Variants in MPPED2 observed in about 807,000 individuals in gnomAD.
MPPED2 encodes the protein metallophosphoesterase MPPED2.
Under a neutral mutation model 33.0 loss-of-function variants are expected in MPPED2, and 5 were observed. The ratio of observed to expected loss-of-function variants is 0.15; its 90% CI spans 0.08 to 0.32. The LOEUF (loss-of-function observed/expected upper bound fraction) is 0.32, where lower values mean the gene tolerates loss of function less well. MPPED2 is among the 10% of genes least tolerant of loss of function. MPPED2 has a pLI of 1.00. For synonymous variants in MPPED2, 136 were observed against 141.9 expected (o/e 0.96, Z 0.29); for missense variants, 275 against 372.1 (o/e 0.74, Z 2.15).
At chr11:30,538,949 A>G (rs1282810187) in intron 2 of MPPED2, among the ~76,000 whole-genome samples, 2 of 152,222 alleles carry the variant, frequency 1.3e-5, no homozygotes, top group Non-Finnish European at 2.9e-5. Flanking sequence ...GCAGTGCAAC[A>G]TGCCAAAGCC....
chr11:30,426,879 C>G (rs61884687), intron 4 of MPPED2, among the ~76,000 whole-genome samples: 1 of 152,120 alleles, frequency 6.6e-6, no homozygotes. Flanking sequence ...TCCGTTTCCT[C>G]CTATACATTC....
At chr11:30,498,143 A>G (rs1952367390) in intron 3 of MPPED2, among the ~76,000 whole-genome samples, 1 of 151,984 alleles carries the variant, frequency 6.6e-6, no homozygotes, top group African/African-American at 2.4e-5. Context: ...TTCAAATAGC[A>G]ACACTTTAAA....
At chr11:30,406,996 G>A (rs1446390408), downstream of MPPED2, among the ~76,000 whole-genome samples, 1 of 152,228 alleles carries the variant, frequency 6.6e-6, no homozygotes, top group African/African-American at 2.4e-5. Flanking sequence ...CTTGCTGGAT[G>A]AGAGTGGGGA....
Position 30,519,363 on chromosome 11 carries a change from T to C in MPPED2, c.310+16631A>G, listed in dbSNP as rs998444961. On this transcript the variant is annotated intron_variant, in intron 3 of 6. Coordinates refer to ENST00000358117, the MANE Select transcript of MPPED2 (RefSeq NM_001584.3). ...ATGAATATGTATGTGCATATATATA[T>C]ACACACACTCATATATATACACATA... Among the ~76,000 whole-genome samples the C allele has an allele frequency of 1.5e-4, 23 of 152,136 alleles. No homozygotes were observed. In the East Asian group the frequency reaches 2.1e-3, roughly 14 times the overall value.
At chr11:30,460,109 G>A (rs1950460136) in intron 4 of MPPED2, among the ~76,000 whole-genome samples, 1 of 152,182 alleles carries the variant, frequency 6.6e-6, no homozygotes, top group African/African-American at 2.4e-5. Flanking sequence ...AAGCAGCAAT[G>A]GACAGATGGG....
chr11:30,555,787 GA>G (rs1955938568), intron 2 of MPPED2, among the ~76,000 whole-genome samples: 1 of 152,046 alleles, frequency 6.6e-6, no homozygotes, highest in South Asian at 2.1e-4. Context: ...ATAGCAGTAT[GA>G]AAATGGACTA....
chr11:30,520,794 G>A (rs1013099674), intron 3 of MPPED2, among the ~76,000 whole-genome samples: 3 of 152,098 alleles, frequency 2.0e-5, no homozygotes, highest in Non-Finnish European at 4.4e-5. Context: ...AATTATGTTG[G>A]AAGAAATGAC....
At chr11:30,526,425 G>A (rs1334803007) in intron 3 of MPPED2, among the ~76,000 whole-genome samples, 1 of 152,082 alleles carries the variant, frequency 6.6e-6, no homozygotes, top group African/African-American at 2.4e-5. Context: ...TGGTTGCTAG[G>A]AAAACCAAAT....
At chr11:30,447,945 T>C (rs1338076248) in intron 4 of MPPED2, among the ~76,000 whole-genome samples, 2 of 152,128 alleles carry the variant, frequency 1.3e-5, no homozygotes, top group African/African-American at 4.8e-5. Flanking sequence ...CCTCGAAAGA[T>C]AAAATTCATA....
intron 6 of MPPED2, among the ~76,000 whole-genome samples, chr11:30,393,597 G>C (rs888722322): frequency 8.2e-6 from 1 of 122,348 alleles, no homozygotes; most frequent in Non-Finnish European, 1.9e-5. Context: ...AGGAGTTTTT[G>C]TTATGTTTAG....
In MPPED2 at chr11:30,411,543, G is replaced by T. The variant is rs1480048721; in HGVS notation, c.810C>A (p.Ala270=). The T allele has an allele frequency of 6.2e-7, 1 of 1,613,816 alleles. No homozygotes were observed. The highest frequency in any genetic ancestry group is 8.5e-7 in the Non-Finnish European group (1 of 1,179,874). Residue 270 remains alanine (A), a synonymous_variant, in exon 7 of 7, where the codon GCC becomes GCA. Transcript: ENST00000358117. ...MTDGYTTYIN[A]STCTVSFQPT... ...GTTGAAAGCTGACTGTACACGTCGA[G>T]GCATTGATGTACGTTGTGTAACCGT...
At chr11:30,567,125 C>T (rs1202066925) in intron 2 of MPPED2, among the ~76,000 whole-genome samples, 1 of 152,124 alleles carries the variant, frequency 6.6e-6, no homozygotes, top group Non-Finnish European at 1.5e-5. Flanking sequence ...TCAATGTCAG[C>T]AGTAAATCCA....
chr11:30,528,530 T>G (rs1323955462), intron 3 of MPPED2, among the ~76,000 whole-genome samples: 3 of 152,220 alleles, frequency 2.0e-5, no homozygotes, highest in Non-Finnish European at 2.9e-5. Context: ...GTGCTGGGAT[T>G]ATAGGCGTGA....
At chr11:30,480,725 A>G (rs755846840) in intron 4 of MPPED2, among the ~76,000 whole-genome samples, 4 of 152,214 alleles carry the variant, frequency 2.6e-5, no homozygotes, top group Non-Finnish European at 4.4e-5. Context: ...ACAACTTCCA[A>G]TAAAAACTGT....
chr11:30,519,144 T>C (rs994239433), intron 3 of MPPED2, among the ~76,000 whole-genome samples: 3 of 151,864 alleles, frequency 2.0e-5, no homozygotes, highest in Non-Finnish European at 4.4e-5. Flanking sequence ...TAGCCAGGCA[T>C]GGTGGTGTAA....
chr11:30,478,435 C>A (rs1484698368), intron 4 of MPPED2, among the ~76,000 whole-genome samples: 1 of 151,738 alleles, frequency 6.6e-6, no homozygotes, highest in Non-Finnish European at 1.5e-5. Context: ...AACGAGAAAG[C>A]ACATAGATAA....
chr11:30,470,549 C>G (rs1207539445), intron 4 of MPPED2, among the ~76,000 whole-genome samples: 5 of 152,096 alleles, frequency 3.3e-5, no homozygotes, highest in African/African-American at 2.4e-5. Context: ...TAACTCTGAA[C>G]ATACCAAGAA....
At chr11:30,497,417 C>T (rs1262207145) in intron 3 of MPPED2, among the ~76,000 whole-genome samples, 2 of 152,170 alleles carry the variant, frequency 1.3e-5, no homozygotes, top group South Asian at 2.1e-4. Flanking sequence ...CAGGCTAAAA[C>T]GTTTTCCCAG....
rs117270758 is a variant in MPPED2, at chr11:30,426,804, C to A, written c.537-9171G>T. On this transcript the variant is annotated intron_variant, in intron 4 of 6. Transcript: ENST00000358117. ...TCCAGCAGTTCCAAATGCAGACAGG[C>A]CCTGAGGCCAGGAGGTGACCTGGGG... is the stretch of plus-strand genomic sequence containing the variant. Among the ~76,000 whole-genome samples, 583 of 152,278 alleles carry A rather than the reference C, an allele frequency of 3.8e-3. 13 individuals carry two copies. In the East Asian group the frequency reaches 0.068, roughly 18 times the overall value.
Sources: gnomAD v4.1 joint callset for allele counts (sites outside exome capture counted in the v4.1 genomes callset) on GRCh38, gnomAD v4.1.1 for gene constraint, MANE v1.5 for transcripts, NCBI Gene and HGNC (gene_info 2026-07-23, HGNC 2026-07-21) for gene names.